FRG1: variants seen among roughly 807,000 people sequenced by gnomAD.
The protein encoded by FRG1 is FSHD region gene 1.
In FRG1, 19 loss-of-function variants were observed where a neutral mutation model predicts 37.0. The ratio of observed to expected loss-of-function variants is 0.51; its 90% CI spans 0.36 to 0.75. FRG1 has a LOEUF of 0.75. FRG1 is among the 30% of genes least tolerant of loss of function. FRG1 has a pLI of 0.00. For synonymous variants in FRG1, 73 were observed against 96.5 expected, an observed-to-expected ratio of 0.76 and a Z score of 1.43; for missense variants, 243 against 301.4, an observed-to-expected ratio of 0.81 and a Z score of 1.44.
intron 1 of FRG1, among the ~76,000 whole-genome samples, chr4:189,942,442 T>G (rs541084996): frequency 9.8e-4 from 150 of 152,310 alleles, no homozygotes; most frequent in African/African-American, 3.2e-3. Flanking sequence ...AATCGCCTAT[T>G]CTGAATATTT....
At chr4:189,963,042 A>G (rs1306392716) in intron 8 of FRG1, 51 bp from the exon 9 acceptor site, 4 of 1,292,366 alleles carry the variant, frequency 3.1e-6, no homozygotes, top group East Asian at 2.3e-5. Context: ...GCAGTTGAAT[A>G]TATATGGCAT....
intron 8 of FRG1, 96 bp downstream of exon 8, chr4:189,962,028 A>G (rs1579649470): frequency 1.4e-6 from 1 of 710,828 alleles, no homozygotes; most frequent in African/African-American, 1.9e-5. Flanking sequence ...AGTTTTTCAC[A>G]TTTTTGTCTT....
intron 2 of FRG1, among the ~76,000 whole-genome samples, chr4:189,949,782 C>T (rs1736676308): frequency 2.0e-5 from 3 of 151,950 alleles, no homozygotes; most frequent in African/African-American, 7.3e-5. Context: ...ATCTAAATTG[C>T]TTATTAGTTT....
At chr4:189,943,368 A>C in intron 2 of FRG1, 96 bp downstream of exon 2, 27 of 1,418,096 alleles carry the variant, frequency 1.9e-5, no homozygotes, top group Non-Finnish European at 2.5e-5. Context: ...TGATGTATTC[A>C]TATTTGTCTT....
In FRG1 at chr4:189,941,924, T is replaced by G. The variant is rs769916468; in HGVS notation, c.62+853T>G. 4 of 424,820 alleles carry G rather than the reference T, an allele frequency of 9.4e-6. No individual in the cohort carries two copies. The Admixed American group carries it at 1.1e-4, about 11-fold the overall frequency. The allele number at this position is 424,820 out of a possible 1,614,324, so 26.3% of individuals were successfully genotyped here. ...ATATTTTTAGGCGAGATAGAAAGTA[T>G]CAAGGAGTGAGTTGAAGCCACTGGC... On this transcript the variant is annotated intron_variant, in intron 1 of 8. Coordinates refer to ENST00000226798, the MANE Select transcript of FRG1 (RefSeq NM_004477.3).
intron 2 of FRG1, among the ~76,000 whole-genome samples, chr4:189,943,547 G>T (rs1180138913): frequency 6.6e-6 from 1 of 152,056 alleles, no homozygotes; most frequent in African/African-American, 2.4e-5. Context: ...AATTTTAAAG[G>T]CCTAATGTAA....
At chr4:189,943,158 A>G (rs770812821) in intron 1 of FRG1, 44 bp from the exon 2 acceptor site, 1 of 1,502,366 alleles carries the variant, frequency 6.7e-7, no homozygotes, top group South Asian at 1.3e-5. Flanking sequence ...TTTATCGTAC[A>G]AATCAATATA....
Position 189,941,017 on chromosome 4 carries a change from A to C in FRG1, c.8A>C (p.Glu3Ala), listed in dbSNP as rs746498766. Residue 3 changes from glutamate (E) to alanine (A), a missense_variant, in exon 1 of 9, where the codon GAG becomes GCG. Coordinates refer to ENST00000226798, the MANE Select transcript of FRG1 (RefSeq NM_004477.3). ...CAGAAGTTTCCCGGAGCCATGGCCGAGTACTCCTACGTGAAGTCTACCAAG... is the reference window on the plus strand; with the variant it reads ...CAGAAGTTTCCCGGAGCCATGGCCGCGTACTCCTACGTGAAGTCTACCAAG... MAEYSYVKSTKLV... is the reference protein window; with the variant it reads MAAYSYVKSTKLV... 3 of 1,613,850 alleles carry C rather than the reference A, an allele frequency of 1.9e-6. No homozygotes were observed. In the East Asian group the frequency reaches 6.7e-5, roughly 36 times the overall value.
chr4:189,959,121 A>G (rs114867177), intron 6 of FRG1, among the ~76,000 whole-genome samples: 1,669 of 152,356 alleles, frequency 0.011, 30 homozygotes, highest in African/African-American at 0.038. Flanking sequence ...AAAAGCATCT[A>G]TCAAATCTCT....
At chr4:189,950,764 T>A (rs1736719114) in intron 2 of FRG1, among the ~76,000 whole-genome samples, 1 of 152,144 alleles carries the variant, frequency 6.6e-6, no homozygotes, top group Non-Finnish European at 1.5e-5. Flanking sequence ...TTATCAATAT[T>A]TTGCCAATCT....
At chr4:189,950,354 CA>C (rs1413014798) in intron 2 of FRG1, among the ~76,000 whole-genome samples, 1 of 152,138 alleles carries the variant, frequency 6.6e-6, no homozygotes, top group African/African-American at 2.4e-5. Flanking sequence ...TCTTGATGCA[CA>C]AAAGTTTTTA....
At chr4:189,960,995 G>C (rs1291979373) in intron 7 of FRG1, 156 bp downstream of exon 7, 17 of 752,112 alleles carry the variant, frequency 2.3e-5, no homozygotes, top group Non-Finnish European at 3.4e-5. Flanking sequence ...TTGAGCCCAG[G>C]AGTTCAAGGC....
intron 2 of FRG1, 88 bp from the exon 3 acceptor site, chr4:189,952,074 A>C (rs561389630): frequency 1.9e-5 from 17 of 913,036 alleles, no homozygotes; most frequent in Admixed American, 5.0e-5. Flanking sequence ...CAAAATAAGA[A>C]GTTTTTAAAA....
intron 6 of FRG1, among the ~76,000 whole-genome samples, chr4:189,958,901 T>C (rs1024667043): frequency 6.6e-6 from 1 of 152,212 alleles, no homozygotes; most frequent in Non-Finnish European, 1.5e-5. Flanking sequence ...TCCATCTCAG[T>C]ACTGAGCATC....
At chr4:189,949,904 G>A (rs142715038) in intron 2 of FRG1, among the ~76,000 whole-genome samples, 1 of 152,220 alleles carries the variant, frequency 6.6e-6, no homozygotes, top group Non-Finnish European at 1.5e-5. Context: ...GAATTTGCCA[G>A]TTTTTCTATT....
At chr4:189,952,826 C>G (rs1232973413) in intron 3 of FRG1, among the ~76,000 whole-genome samples, 1 of 150,876 alleles carries the variant, frequency 6.6e-6, no homozygotes, top group African/African-American at 2.5e-5. Context: ...GAAGCTATCT[C>G]AAAAGTTATT....
intron 6 of FRG1, chr4:189,960,037 A>G (rs1737162813): frequency 3.9e-6 from 1 of 256,694 alleles, no homozygotes; most frequent in Admixed American, 6.5e-5. Context: ...CAGGTCTGGG[A>G]CCCCTCTAAT....
At chr4:189,961,625 C>G (rs1392149526) in intron 7 of FRG1, 197 bp from the exon 8 acceptor site, 9 of 392,018 alleles carry the variant, frequency 2.3e-5, no homozygotes, top group African/African-American at 1.9e-4. Context: ...CCAGGCTGTT[C>G]TCGAACTCCT....
intron 2 of FRG1, among the ~76,000 whole-genome samples, chr4:189,950,074 T>A (rs1231252150): frequency 6.6e-6 from 1 of 152,216 alleles, no homozygotes; most frequent in Non-Finnish European, 1.5e-5. Flanking sequence ...ATAATAGCTA[T>A]TCTAATGGGT....
Sources: allele counts gnomAD v4.1 joint callset (sites outside exome capture counted in the v4.1 genomes callset), GRCh38; gene constraint gnomAD v4.1.1; transcripts MANE v1.5; gene names NCBI Gene and HGNC (gene_info 2026-07-23, HGNC 2026-07-21).